Variants in KDM5B observed in about 807,000 individuals in gnomAD.
KDM5B encodes lysine demethylase 5B.
KDM5B carries 144 observed loss-of-function variants against 193.4 expected under a neutral mutation model. The observed-to-expected ratio is 0.74, with a 90% confidence interval of 0.65 to 0.86. The LOEUF (loss-of-function observed/expected upper bound fraction) is 0.86. Among genes scored for constraint, KDM5B ranks in the 40% least tolerant of loss-of-function variants. The pLI is 0.00. For missense variants in KDM5B, 1,833 were observed against 1,886.9 expected (o/e 0.97, Z 0.53); for synonymous variants, 668 against 682.6 (o/e 0.98, Z 0.33).
intron 4 of KDM5B, among the ~76,000 whole-genome samples, chr1:202,772,486 A>C (rs571277843): frequency 2.0e-5 from 3 of 152,320 alleles, no homozygotes; most frequent in African/African-American, 7.2e-5. Context: ...TTCACAGCTT[A>C]TACCTTCATA....
rs536987785 is a variant in KDM5B, at chr1:202,747,579, A to C, written c.2017-1256T>G. On this transcript the variant is annotated intron_variant, in intron 14 of 26. Transcript: ENST00000367265. The stretch of plus-strand genomic sequence containing the variant: ...AAAGGCACATATTTTTAAAAAAAAA[A>C]AAAAAAACAGTATTACTATTTGCAG... 2.4e-3 allele frequency among the ~76,000 whole-genome samples: 362 copies of C among 152,038 alleles called. 3 individuals are homozygous for C. Among genetic ancestry groups the C allele is most frequent in the Middle Eastern group, 6.8e-3 (2 of 294 alleles).
In KDM5B at chr1:202,733,811, A is replaced by G; in HGVS notation, c.3499T>C (p.Leu1167=). 2 of 1,614,096 alleles carry G rather than the reference A, an allele frequency of 1.2e-6. No homozygotes were observed. Among genetic ancestry groups the G allele is most frequent in the East Asian group, 2.2e-5 (1 of 44,874 alleles). Residue 1167 remains leucine (L), a synonymous_variant, in exon 23 of 27, where the codon TTG becomes CTG. Coordinates refer to ENST00000367265, the MANE Select transcript of KDM5B (RefSeq NM_006618.5). ...QSLRLANEGK[L]LSPLQDVDIK... ...TCCACATCTTGGAGAGGCGACAGCA[A>G]TTTCCCTTCATTGGCGAGTCTGAGA... is the stretch of plus-strand genomic sequence containing the variant.
chr1:202,798,008 T>A (rs1380525450), intron 1 of KDM5B, among the ~76,000 whole-genome samples: 1 of 152,198 alleles, frequency 6.6e-6, no homozygotes, highest in Admixed American at 6.5e-5. Flanking sequence ...CTAGGCAGCA[T>A]GGTGAACCCC....
At chr1:202,773,590 AAAG>A (rs565174863) in intron 3 of KDM5B, among the ~76,000 whole-genome samples, 2 of 152,318 alleles carry the variant, frequency 1.3e-5, no homozygotes, top group South Asian at 4.1e-4. Flanking sequence ...AATCTCTACC[AAAG>A]AAGGGACTGT....
At position 202,728,787 on chromosome 1, in the gene KDM5B, G is replaced by C; in HGVS notation, c.*249C>G. The C allele has an allele frequency of 2.5e-6, 1 of 395,618 alleles. No individual in the cohort carries two copies. Among genetic ancestry groups the C allele is most frequent in the East Asian group, 4.5e-5 (1 of 22,196 alleles). The allele number at this position is 395,618 out of a possible 1,614,324, so 24.5% of individuals were successfully genotyped here. On this transcript the variant is annotated 3_prime_UTR_variant, in exon 27 of 27. Transcript: ENST00000367265. ...GGTGGGAACCCCTGCAAAAAAAACA[G>C]TCAGCTTTTCAAACCTCAACAACCA... is the stretch of plus-strand genomic sequence containing the variant.
intron 7 of KDM5B, among the ~76,000 whole-genome samples, chr1:202,762,267 C>G (rs1196076774): frequency 6.6e-6 from 1 of 151,916 alleles, no homozygotes; most frequent in Admixed American, 6.6e-5. Flanking sequence ...TTCTTCCTTT[C>G]TCTTTTTTGT....
chr1:202,762,200 T>C (rs1656276790), intron 7 of KDM5B, among the ~76,000 whole-genome samples: 2 of 152,206 alleles, frequency 1.3e-5, no homozygotes, highest in Non-Finnish European at 2.9e-5. Context: ...TTTGTTCCTT[T>C]TCCTTTTCTT....
rs572483951 is a variant in KDM5B at position 202,795,805 on chromosome 1, T to A, written c.204+12297A>T. 1.7e-4 allele frequency among the ~76,000 whole-genome samples: 26 copies of A among 152,128 alleles called. No homozygotes were observed. In the East Asian group the frequency reaches 4.8e-3, roughly 28 times the overall value. Reference sequence around the variant, plus strand: ...CCTAATTAACTTTTTTTTTTTAACATAAGATTGTCTAATTGTTGGTAAATA... The same window carrying A: ...CCTAATTAACTTTTTTTTTTTAACAAAAGATTGTCTAATTGTTGGTAAATA... On this transcript the variant is annotated intron_variant, in intron 1 of 26. Transcript: ENST00000367265.
At chr1:202,735,766 A>T (rs1390803737) in intron 21 of KDM5B, among the ~76,000 whole-genome samples, 179 bp from the exon 22 acceptor site, 1 of 152,260 alleles carries the variant, frequency 6.6e-6, no homozygotes, top group Non-Finnish European at 1.5e-5. Context: ...AAGACTCATA[A>T]AAGATAGACT....
Position 202,741,523 on chromosome 1 carries a change from G to A in KDM5B, c.2789C>T (p.Pro930Leu). The change falls in exon 19 of 27, where the codon CCC becomes CTC. Residue 930 changes from proline (P) to leucine (L), a missense_variant. Coordinates refer to ENST00000367265, the MANE Select transcript of KDM5B (RefSeq NM_006618.5). ...LEEVQQACLD[P>L]SSLTLDDMRR... Reference sequence around the variant, plus strand: ...CATATCATCTAAAGTAAGGGAGCTGGGGTCTAGGCAAGCTTGCTGCACCTC... The same window carrying A: ...CATATCATCTAAAGTAAGGGAGCTGAGGTCTAGGCAAGCTTGCTGCACCTC... 6.2e-7 allele frequency: 1 copy of A among 1,614,204 alleles called. No individual in the cohort carries two copies.
rs779951831 is a variant in KDM5B, at chr1:202,733,557, T to G, written c.3753A>C (p.Ala1251=). ...RIRVRLPEGD[A]LRYMIERTVN... is the part of the protein sequence containing the mutation. Reference sequence around the variant, plus strand: ...CGGTTCTTTCAATCATATATCGAAGTGCATCTCCCTCAGGAAGGCGAACTC... The same window carrying G: ...CGGTTCTTTCAATCATATATCGAAGGGCATCTCCCTCAGGAAGGCGAACTC... The change falls in exon 23 of 27, where the codon GCA becomes GCC. Residue 1251 remains alanine, a synonymous_variant. Coordinates refer to ENST00000367265, the MANE Select transcript of KDM5B (RefSeq NM_006618.5). 6 of 1,614,156 alleles carry G rather than the reference T, an allele frequency of 3.7e-6. No individual in the cohort carries two copies. The South Asian group carries it at 5.5e-5, about 15-fold the overall frequency.
intron 14 of KDM5B, among the ~76,000 whole-genome samples, chr1:202,747,577 A>AAC (rs1655610916): frequency 1.3e-5 from 2 of 151,944 alleles, no homozygotes; most frequent in Non-Finnish European, 2.9e-5. Context: ...TTTAAAAAAA[A>AAC]AAAAAAAAAC....
chr1:202,784,430 A>G (rs1657324479), intron 1 of KDM5B, among the ~76,000 whole-genome samples: 1 of 152,230 alleles, frequency 6.6e-6, no homozygotes, highest in Admixed American at 6.5e-5. Context: ...GTCATCATAG[A>G]ATAAATGCAC....
chr1:202,765,197 A>G (rs1656400488), intron 5 of KDM5B, among the ~76,000 whole-genome samples: 2 of 151,310 alleles, frequency 1.3e-5, no homozygotes, highest in Admixed American at 6.7e-5. Context: ...TGCTTCCACA[A>G]TAATTTTCCA....
At chr1:202,791,326 A>G (rs568252300) in intron 1 of KDM5B, among the ~76,000 whole-genome samples, 1 of 152,314 alleles carries the variant, frequency 6.6e-6, no homozygotes, top group East Asian at 1.9e-4. Flanking sequence ...GTAATTATCT[A>G]CTTTTCCAGG....
chr1:202,741,575 G>T lies in KDM5B; in HGVS notation c.2737C>A (p.Arg913Ser), dbSNP rs1370386391. The change falls in exon 19 of 27, where the codon CGT becomes AGT. Residue 913 changes from arginine (R) to serine (S), a missense_variant. By Grantham distance (110) the Arg-to-Ser change is moderately radical. This residue lies in a region of KDM5B where 1,379 missense variants were observed against 1,349.6 expected (regional missense o/e 1.02). Transcript: ENST00000367265. ...ELPQLAEMRI[R>S]LEQARWLEEV... Reference sequence around the variant, plus strand: ...TCTAGCCAACGGGCTTGTTCCAAACGGATACGCATCTCAGCAAGCTGTGGA... The same window carrying T: ...TCTAGCCAACGGGCTTGTTCCAAACTGATACGCATCTCAGCAAGCTGTGGA... The T allele has an allele frequency of 6.8e-6, 11 of 1,614,222 alleles. No homozygotes were observed. Among genetic ancestry groups the T allele is most frequent in the Non-Finnish European group, 9.3e-6 (11 of 1,180,032 alleles).
chr1:202,740,282 C>A (rs61820950), intron 20 of KDM5B, among the ~76,000 whole-genome samples: 54,066 of 120,366 alleles, frequency 0.45, 12,231 homozygotes, highest in Admixed American at 0.56. Flanking sequence ...GGCAGAGGGG[C>A]TCCTCACTTT....
At chr1:202,775,879 AATATATATATAT>A (rs1277889468) in intron 2 of KDM5B, among the ~76,000 whole-genome samples, 1 of 93,202 alleles carries the variant, frequency 1.1e-5, no homozygotes, top group Non-Finnish European at 1.9e-5. Context: ...AAAAAAAAAA[AATATATATATAT>A]ATATATATAT....
chr1:202,745,081 T>C (rs1273798029), intron 16 of KDM5B, among the ~76,000 whole-genome samples: 2 of 152,112 alleles, frequency 1.3e-5, no homozygotes, highest in Non-Finnish European at 2.9e-5. Context: ...TCTCACTTAT[T>C]AAGTGGGAGC....
Sources: allele counts gnomAD v4.1 joint callset (sites outside exome capture counted in the v4.1 genomes callset), GRCh38; gene constraint gnomAD v4.1.1; regional missense constraint gnomAD v4.1.1; transcripts MANE v1.5; gene names NCBI Gene and HGNC (gene_info 2026-07-23, HGNC 2026-07-21).